Variants in ANKRD52 observed in about 807,000 individuals in gnomAD.
ANKRD52 encodes the protein ankyrin repeat domain 52.
In ANKRD52, 7 loss-of-function variants were observed where a neutral mutation model predicts 116.0. The observed-to-expected ratio is 0.06, with a 90% CI of 0.03 to 0.11. The LOEUF is 0.11. ANKRD52 is among the 10% of genes least tolerant of loss of function. ANKRD52 has a pLI of 1.00. For missense variants in ANKRD52, 839 were observed against 1,408.6 expected (o/e 0.60, Z 6.47); for synonymous variants, 528 against 578.1 (o/e 0.91, Z 1.24).
rs1284959984 is a variant in ANKRD52 at position 56,254,062 on chromosome 12, G to A, written c.906+5C>T. 1.9e-6 allele frequency: 3 copies of A among 1,612,930 alleles called. No homozygotes were observed. In the South Asian group the frequency reaches 3.3e-5, roughly 18 times the overall value. Reference sequence around the variant, plus strand: ...CACTGGTCTAAGCCTTATCCCTTCAGGCACCTGGTAGTTGACGTCAGCCCC... The same window carrying A: ...CACTGGTCTAAGCCTTATCCCTTCAAGCACCTGGTAGTTGACGTCAGCCCC... On this transcript the variant is annotated splice_donor_5th_base_variant and intron_variant, in intron 8 of 27. Coordinates refer to ENST00000267116, the MANE Select transcript of ANKRD52 (RefSeq NM_173595.4). The surrounding 1 kb of genome is among the most constrained non-coding windows in gnomAD (Gnocchi z 4.6).
Position 56,248,379 on chromosome 12 carries a change from T to A in ANKRD52, c.1776+116A>T. ...GGCTTCCTACCCTGCACTGTGCTTA[T>A]CCCCTCTCCCACAAAAAGGCAGAAG... On this transcript the variant is annotated intron_variant, in intron 17 of 27. Transcript: ENST00000267116. This position sits in a 1 kb window ranked among gnomAD's most constrained non-coding sequence, Gnocchi z 5.1. 1.4e-6 allele frequency: 2 copies of A among 1,412,852 alleles called. No individual in the cohort carries two copies. Among genetic ancestry groups the A allele is most frequent in the East Asian group, 4.8e-5 (2 of 41,378 alleles). 87.5% of individuals were successfully genotyped at this position (1,412,852 alleles called of 1,614,324 possible).
chr12:56,249,194 A>G (rs534931334), intron 15 of ANKRD52, among the ~76,000 whole-genome samples: 1 of 152,156 alleles, frequency 6.6e-6, no homozygotes, highest in East Asian at 1.9e-4. Context: ...AGGCACGCCA[A>G]CCCCTGCCCT....
In ANKRD52 at chr12:56,244,716, G is replaced by A; in HGVS notation, c.2658C>T (p.Ala886=). ...MLLQHQAEVN[A]TDHTGRTALM... Reference sequence around the variant, plus strand: ...GCGCAGTGCGGCCAGTGTGGTCAGTGGCGTTCACCTCAGCTTGATGCTGCA... The same window carrying A: ...GCGCAGTGCGGCCAGTGTGGTCAGTAGCGTTCACCTCAGCTTGATGCTGCA... The change falls in exon 24 of 28, where the codon GCC becomes GCT. Residue 886 remains alanine (A), a synonymous_variant. Coordinates refer to ENST00000267116, the MANE Select transcript of ANKRD52 (RefSeq NM_173595.4). The surrounding 1 kb of genome is among the most constrained non-coding windows in gnomAD (Gnocchi z 4.9). 6.2e-7 allele frequency: 1 copy of A among 1,613,890 alleles called. No individual in the cohort carries two copies. Among genetic ancestry groups the A allele is most frequent in the Non-Finnish European group, 8.5e-7 (1 of 1,179,904 alleles).
chr12:56,251,216 T>C (rs938724034), intron 15 of ANKRD52, among the ~76,000 whole-genome samples: 40 of 151,396 alleles, frequency 2.6e-4, no homozygotes, highest in Admixed American at 2.3e-3. Flanking sequence ...GCTGGGATTA[T>C]AGGCGTGAAC....
In ANKRD52 at chr12:56,257,373, A is replaced by G. The variant is rs1192543526; in HGVS notation, c.112-12T>C. On this transcript the variant is annotated splice_polypyrimidine_tract_variant and intron_variant, in intron 2 of 27. Coordinates refer to ENST00000267116, the MANE Select transcript of ANKRD52 (RefSeq NM_173595.4). ...CGCCTCTCTTGGTCCTGGGAAGGCA[A>G]AAAAGAGCAGGGAGTATGGGCGCGG... is the stretch of plus-strand genomic sequence containing the variant. The G allele has an allele frequency of 4.4e-6, 7 of 1,577,982 alleles. No homozygotes were observed. The highest frequency in any genetic ancestry group is 6.0e-6 in the Non-Finnish European group (7 of 1,161,730).
Position 56,245,603 on chromosome 12 carries a change from G to A in ANKRD52, c.2185-7C>T, listed in dbSNP as rs757495595. ...CCTCACAGCCAGTCACTGCCTGTGA[G>A]TAACATGGGGGTGTGAGGGGGATGA... On this transcript the variant is annotated splice_polypyrimidine_tract_variant and splice_region_variant and intron_variant, in intron 20 of 27. Coordinates refer to ENST00000267116, the MANE Select transcript of ANKRD52 (RefSeq NM_173595.4). The A allele has an allele frequency of 6.2e-7, 1 of 1,602,548 alleles. No individual in the cohort carries two copies. Among genetic ancestry groups the A allele is most frequent in the South Asian group, 1.1e-5 (1 of 90,434 alleles).
At position 56,253,200 on chromosome 12, in the gene ANKRD52, TG is replaced by T; in HGVS notation, c.1100+87del. 1.3e-6 allele frequency: 2 copies of T among 1,489,068 alleles called. No individual in the cohort carries two copies. 92.2% of individuals were successfully genotyped at this position (1,489,068 alleles called of 1,614,324 possible). Reference sequence around the variant, plus strand: ...GTAGGAGGTTCTCCAAGGTGCCCTTTGGCAAGCTTATCTGTGCCTCCATGGT... The same window carrying T: ...GTAGGAGGTTCTCCAAGGTGCCCTTTGCAAGCTTATCTGTGCCTCCATGGT... On this transcript the variant is annotated intron_variant, in intron 10 of 27. Transcript: ENST00000267116. This position sits in a 1 kb window ranked among gnomAD's most constrained non-coding sequence, Gnocchi z 5.5.
rs998567890 is a variant in ANKRD52, at chr12:56,254,689, T to C, written c.582A>G (p.Ala194=). 1.2e-6 allele frequency: 2 copies of C among 1,612,864 alleles called. No individual in the cohort carries two copies. Among genetic ancestry groups the C allele is most frequent in the Non-Finnish European group, 1.7e-6 (2 of 1,179,106 alleles). ...GHLEVLKLLV[A]RGADLGCKDR... is the part of the protein sequence containing the mutation. ...CCTTGCAGCCGAGGTCTGCTCCCCG[T>C]GCCACCAGCAGTTTTAGGACCTCCA... Residue 194 remains alanine (A), a synonymous_variant, in exon 7 of 28, where the codon GCA becomes GCG. Coordinates refer to ENST00000267116, the MANE Select transcript of ANKRD52 (RefSeq NM_173595.4). This position sits in a 1 kb window ranked among gnomAD's most constrained non-coding sequence, Gnocchi z 4.6.
intron 15 of ANKRD52, 129 bp downstream of exon 15, chr12:56,251,884 GAC>G: frequency 1.0e-6 from 1 of 983,724 alleles, no homozygotes; most frequent in South Asian, 1.6e-5. Flanking sequence ...GAGGGCTCAA[GAC>G]ACACTGCTGG....
Position 56,244,089 on chromosome 12 carries a change from G to C in ANKRD52, c.2850C>G (p.Asp950Glu), listed in dbSNP as rs1452156675. 1.2e-6 allele frequency: 2 copies of C among 1,613,970 alleles called. No homozygotes were observed. The highest frequency in any genetic ancestry group is 1.1e-5 in the South Asian group (1 of 91,078). ...TGTTGGTAGCATTGATAAGGCCAAGGTCTTGGGTTTCTGCCAGGATCATGA... is the reference window on the plus strand; with the variant it reads ...TGTTGGTAGCATTGATAAGGCCAAGCTCTTGGGTTTCTGCCAGGATCATGA... The part of the protein sequence containing the change: ...CALMILAETQ[D>E]LGLINATNSA... Residue 950 changes from aspartate to glutamate, a missense_variant, in exon 26 of 28, where the codon GAC becomes GAG. Around this residue, in one of 2 missense-constraint regions of ANKRD52, gnomAD observed 552 missense variants for 810.6 expected, o/e 0.68. Transcript: ENST00000267116. The surrounding 1 kb of genome is among the most constrained non-coding windows in gnomAD (Gnocchi z 4.9).
chr12:56,254,301 T>C lies in ANKRD52; in HGVS notation c.694-22A>G. ...CGATCTGGATATTCAGGGGTGAGAG[T>C]AAGGTGGTATCAGTTTAAACAAAGT... On this transcript the variant is annotated intron_variant, in intron 7 of 27. Transcript: ENST00000267116. The surrounding 1 kb of genome is among the most constrained non-coding windows in gnomAD (Gnocchi z 4.6). 6.2e-7 allele frequency: 1 copy of C among 1,607,940 alleles called. No homozygotes were observed. Among genetic ancestry groups the C allele is most frequent in the South Asian group, 1.1e-5 (1 of 90,832 alleles).
intron 2 of ANKRD52, 126 bp downstream of exon 2, chr12:56,257,702 C>T: frequency 2.1e-6 from 2 of 944,526 alleles, no homozygotes; most frequent in East Asian, 2.6e-5. Context: ...GGCTTTCACT[C>T]CAGGATGGAA....
At chr12:56,247,996 G>C (rs771380746) in intron 18 of ANKRD52, 27 bp downstream of exon 18, 21 of 1,564,924 alleles carry the variant, frequency 1.3e-5, no homozygotes, top group Non-Finnish European at 1.8e-5. Flanking sequence ...GGCAAGGGTA[G>C]GGCAGCAGCC....
At chr12:56,257,442 C>G in intron 2 of ANKRD52, 81 bp from the exon 3 acceptor site, 1 of 1,233,806 alleles carries the variant, frequency 8.1e-7, no homozygotes, top group Non-Finnish European at 1.2e-6. Flanking sequence ...CTCAGAGCTC[C>G]AGGCCCTTCC....
chr12:56,242,537 A>G lies in ANKRD52; in HGVS notation c.*605T>C, dbSNP rs1871210241. On this transcript the variant is annotated 3_prime_UTR_variant, in exon 28 of 28. Coordinates refer to ENST00000267116, the MANE Select transcript of ANKRD52 (RefSeq NM_173595.4). This position sits in a 1 kb window ranked among gnomAD's most constrained non-coding sequence, Gnocchi z 4.3. ...GTAGTTGCTGCTTCAAGTGTTTTGC[A>G]TTTGAACTTTAGGGGTGATAGGGTA... 2 of 209,970 alleles carry G rather than the reference A, an allele frequency of 9.5e-6. No homozygotes were observed. The highest frequency in any genetic ancestry group is 5.9e-5 in the Admixed American group (1 of 16,962). The allele number at this position is 209,970 out of a possible 1,614,324, so 13.0% of individuals were successfully genotyped here. A position where few individuals can be genotyped will look rare whatever the true frequency, so the allele number is the denominator to read the frequency against.
chr12:56,258,037 C>A, intron 1 of ANKRD52, 126 bp from the exon 2 acceptor site: 2 of 1,302,346 alleles, frequency 1.5e-6, no homozygotes, highest in African/African-American at 1.5e-5. Context: ...TCTAGGGATT[C>A]TGGCTGGAGC....
rs201083768 is a variant in ANKRD52 at position 56,253,830 on chromosome 12, GT to G, written c.907-31del. 2.0e-5 allele frequency: 31 copies of G among 1,586,828 alleles called. No individual in the cohort carries two copies. Among genetic ancestry groups the G allele is most frequent in the Middle Eastern group, 1.7e-4 (1 of 5,978 alleles). ...GGAAACATGGTGGGTTTTTGTTTTT[GT>G]TTTTTTTTCCAGTGCAAAGCACAGA... On this transcript the variant is annotated intron_variant, in intron 8 of 27. Transcript: ENST00000267116. This position sits in a 1 kb window ranked among gnomAD's most constrained non-coding sequence, Gnocchi z 5.5.
At chr12:56,257,216 T>C in intron 3 of ANKRD52, 67 bp downstream of exon 3, 2 of 1,544,198 alleles carry the variant, frequency 1.3e-6, no homozygotes, top group Non-Finnish European at 1.8e-6. Context: ...AATCCTTGAA[T>C]ATCAAAAAAG....
chr12:56,248,316 A>G lies in ANKRD52; in HGVS notation c.1777-92T>C, dbSNP rs545119665. 1.4e-5 allele frequency: 21 copies of G among 1,519,640 alleles called. No homozygotes were observed. The highest frequency in any genetic ancestry group is 1.8e-5 in the Non-Finnish European group (20 of 1,105,254). 94.1% of individuals were successfully genotyped at this position (1,519,640 alleles called of 1,614,324 possible). A position where few individuals can be genotyped will look rare whatever the true frequency, so the allele number is the denominator to read the frequency against. ...TGCTCTTGGGGTCCCTGGGAAGCTCAAGGTCTTAGTCCTTGACAAGCTCCT... is the reference window on the plus strand; with the variant it reads ...TGCTCTTGGGGTCCCTGGGAAGCTCGAGGTCTTAGTCCTTGACAAGCTCCT... On this transcript the variant is annotated intron_variant, in intron 17 of 27. Coordinates refer to ENST00000267116, the MANE Select transcript of ANKRD52 (RefSeq NM_173595.4). The surrounding 1 kb of genome is among the most constrained non-coding windows in gnomAD (Gnocchi z 5.1).
Sources: allele counts gnomAD v4.1 joint callset (sites outside exome capture counted in the v4.1 genomes callset), GRCh38; gene constraint gnomAD v4.1.1; regional missense constraint gnomAD v4.1.1; non-coding constraint Gnocchi (gnomAD v3.1); transcripts MANE v1.5; gene names NCBI Gene and HGNC (gene_info 2026-07-23, HGNC 2026-07-21).